MAP3K5: variants seen among roughly 807,000 people sequenced by gnomAD.
MAP3K5 encodes the protein mitogen-activated protein kinase kinase kinase 5.
A neutral mutation model predicts 158.7 loss-of-function variants in MAP3K5; 56 were observed. The ratio of observed to expected loss-of-function variants is 0.35; its 90% confidence interval spans 0.28 to 0.44. The LOEUF is 0.44. MAP3K5 is among the 20% of genes least tolerant of loss of function. The probability of loss-of-function intolerance (pLI) is 1.00; values close to 1 mark genes in which losing one functional copy is unlikely to be tolerated. For missense variants in MAP3K5, 1,294 were observed against 1,674.8 expected (o/e 0.77, Z 3.97); for synonymous variants, 579 against 601.7 (o/e 0.96, Z 0.55).
At chr6:136,560,418 G>A (rs927503885) in intron 28 of MAP3K5, among the ~76,000 whole-genome samples, 1 of 152,148 alleles carries the variant, frequency 6.6e-6, no homozygotes, top group Non-Finnish European at 1.5e-5. Context: ...GGCAAAGATT[G>A]CAGTGAGCTG....
At chr6:136,626,974 C>G (rs1777068192) in intron 14 of MAP3K5, among the ~76,000 whole-genome samples, 1 of 152,072 alleles carries the variant, frequency 6.6e-6, no homozygotes, top group Non-Finnish European at 1.5e-5. Flanking sequence ...TTAGGGAAAC[C>G]CTATCATAGA....
chr6:136,745,185 T>G (rs1351127474), intron 1 of MAP3K5, among the ~76,000 whole-genome samples: 1 of 149,008 alleles, frequency 6.7e-6, no homozygotes, highest in African/African-American at 2.5e-5. Context: ...AATTGGAGCT[T>G]CGGCATCTAT....
chr6:136,660,317 C>T (rs59665442), intron 8 of MAP3K5, among the ~76,000 whole-genome samples: 21,973 of 151,632 alleles, frequency 0.14, 1,665 homozygotes, highest in East Asian at 0.26. Flanking sequence ...TTCGGAGGGC[C>T]GAGGTGGGAG....
chr6:136,617,329 C>A (rs2129093629), intron 15 of MAP3K5, among the ~76,000 whole-genome samples: 1 of 152,294 alleles, frequency 6.6e-6, no homozygotes, highest in South Asian at 2.1e-4. Context: ...ATAAGAAAAT[C>A]ATATTTCTTC....
rs114686121 is a variant in MAP3K5, at chr6:136,762,561, A to G, written c.448+29149T>C. On this transcript the variant is annotated intron_variant, in intron 1 of 29. Coordinates refer to ENST00000359015, the MANE Select transcript of MAP3K5 (RefSeq NM_005923.4). ...GGGGGAAGAGAGCTTAGTTCAAGAA[A>G]AGTATAAAAAGAAAAATAAACTCCT... Among the ~76,000 whole-genome samples, 1,243 of 152,246 alleles carry G rather than the reference A, an allele frequency of 8.2e-3. 18 individuals are homozygous for G. The highest frequency in any genetic ancestry group is 0.027 in the African/African-American group (1,128 of 41,524).
At chr6:136,652,982 GC>G (rs1778585940) in intron 10 of MAP3K5, among the ~76,000 whole-genome samples, 2 of 152,258 alleles carry the variant, frequency 1.3e-5, no homozygotes, top group South Asian at 2.1e-4. Flanking sequence ...ATATATTCTT[GC>G]TTTTAGTTCC....
At chr6:136,603,313 C>T (rs1775961164) in intron 19 of MAP3K5, among the ~76,000 whole-genome samples, 1 of 151,072 alleles carries the variant, frequency 6.6e-6, no homozygotes, top group Admixed American at 6.6e-5. Flanking sequence ...GCTGGGATTA[C>T]AGGTGCCTGC....
intron 14 of MAP3K5, among the ~76,000 whole-genome samples, chr6:136,628,694 G>T (rs781233007): frequency 6.6e-6 from 1 of 152,168 alleles, no homozygotes; most frequent in Non-Finnish European, 1.5e-5. Flanking sequence ...TAGAAGATTA[G>T]ATATAGAAGC....
At chr6:136,661,648 C>A (rs905583156) in intron 8 of MAP3K5, among the ~76,000 whole-genome samples, 1 of 152,170 alleles carries the variant, frequency 6.6e-6, no homozygotes, top group Non-Finnish European at 1.5e-5. Context: ...CTGCCTTAGA[C>A]CTGCTAGCTG....
At chr6:136,659,134 T>C (rs1197710811) in intron 9 of MAP3K5, 85 bp downstream of exon 9, 14 of 1,175,702 alleles carry the variant, frequency 1.2e-5, no homozygotes. Context: ...AATAAAATCA[T>C]CTAATTGTCA....
intron 19 of MAP3K5, among the ~76,000 whole-genome samples, chr6:136,603,172 G>C (rs893303037): frequency 6.6e-6 from 1 of 150,960 alleles, no homozygotes; most frequent in Admixed American, 6.6e-5. Context: ...TTATTATACA[G>C]GTACTTTTTT....
At chr6:136,604,065 T>A (rs1775993435) in intron 19 of MAP3K5, among the ~76,000 whole-genome samples, 1 of 152,194 alleles carries the variant, frequency 6.6e-6, no homozygotes, top group Admixed American at 6.5e-5. Context: ...CTCATGCCGG[T>A]AATCCCAACA....
At chr6:136,610,094 G>A (rs1776264985) in intron 18 of MAP3K5, among the ~76,000 whole-genome samples, 1 of 151,836 alleles carries the variant, frequency 6.6e-6, no homozygotes, top group African/African-American at 2.4e-5. Flanking sequence ...CTTCATATTA[G>A]ACCAAAGATT....
rs1192006099 is a variant in MAP3K5, at chr6:136,695,703, T to C, written c.1082+248A>G. 4.6e-5 allele frequency among the ~76,000 whole-genome samples: 7 copies of C among 152,314 alleles called. 1 individual carries two copies. The East Asian group carries it at 1.3e-3, about 29-fold the overall frequency. The stretch of plus-strand genomic sequence containing the variant: ...AAATATGAATAGCAAATACAAACTT[T>C]GACAGAGCAGAAAACCTGTAAGAAT... On this transcript the variant is annotated intron_variant, in intron 6 of 29. Coordinates refer to ENST00000359015, the MANE Select transcript of MAP3K5 (RefSeq NM_005923.4).
intron 5 of MAP3K5, 140 bp from the exon 6 acceptor site, chr6:136,696,197 C>T (rs1780594361): frequency 1.8e-6 from 1 of 559,922 alleles, no homozygotes; most frequent in East Asian, 2.9e-5. Flanking sequence ...CTTTGAAGAA[C>T]CTAGAATAAA....
chr6:136,623,967 G>C (rs371401512), intron 14 of MAP3K5, among the ~76,000 whole-genome samples: 340 of 152,262 alleles, frequency 2.2e-3, no homozygotes, highest in Non-Finnish European at 3.9e-3. Context: ...GCTGAGGCAG[G>C]TGCATCACCT....
chr6:136,717,711 T>TAC (rs1465266296), intron 2 of MAP3K5, among the ~76,000 whole-genome samples: 1 of 152,096 alleles, frequency 6.6e-6, no homozygotes, highest in Non-Finnish European at 1.5e-5. Context: ...AAACTAAAAA[T>TAC]ACACACACAC....
intron 1 of MAP3K5, among the ~76,000 whole-genome samples, chr6:136,742,773 A>G (rs1388709089): frequency 6.6e-6 from 1 of 152,268 alleles, no homozygotes; most frequent in Non-Finnish European, 1.5e-5. Context: ...AGTGTTATCC[A>G]AAATATACAA....
At chr6:136,611,904 T>C (rs1358111525) in intron 17 of MAP3K5, among the ~76,000 whole-genome samples, 1 of 152,220 alleles carries the variant, frequency 6.6e-6, no homozygotes, top group African/African-American at 2.4e-5. Flanking sequence ...ACTTCCCCAA[T>C]TGTTCCTATA....
Sources: allele counts gnomAD v4.1 joint callset (sites outside exome capture counted in the v4.1 genomes callset), GRCh38; gene constraint gnomAD v4.1.1; transcripts MANE v1.5; gene names NCBI Gene and HGNC (gene_info 2026-07-23, HGNC 2026-07-21).